The following CEACAM20 variants were observed in gnomAD, a reference collection of about 807,000 sequenced individuals.
CEACAM20 encodes CEA cell adhesion molecule 20, also known as cell adhesion molecule CEACAM20.
In CEACAM20, 50 loss-of-function variants were observed where a neutral mutation model predicts 61.2. The observed-to-expected ratio is 0.82, with a 90% CI of 0.65 to 1.03. CEACAM20 has a LOEUF of 1.03. Among genes scored for constraint, CEACAM20 ranks in the 50% least tolerant of loss-of-function variants. The pLI is 0.00. For synonymous variants in CEACAM20, 282 were observed against 287.7 expected, an observed-to-expected ratio of 0.98 and a Z score of 0.20; for missense variants, 683 against 736.4, an observed-to-expected ratio of 0.93 and a Z score of 0.84.
chr19:44,512,171 G>A, intron 8 of CEACAM20, 93 bp from the exon 9 acceptor site: 3 of 921,064 alleles, frequency 3.3e-6, no homozygotes, highest in African/African-American at 1.6e-5. Context: ...CAGGAAGGAA[G>A]TGCAGAAATC....
In CEACAM20 at chr19:44,524,113, C is replaced by G. The variant is rs1971453674; in HGVS notation, c.345G>C (p.Gln115His). 1 of 1,608,952 alleles carries G rather than the reference C, an allele frequency of 6.2e-7. No homozygotes were observed. The highest frequency in any genetic ancestry group is 1.3e-5 in the African/African-American group (1 of 74,864). The change falls in exon 3 of 12, where the codon CAG becomes CAC. Residue 115 changes from glutamine to histidine, a missense_variant. Physicochemically the swap from Gln to His is conservative, Grantham distance 24. Transcript: ENST00000614924. ...TGAGGATCTTGCCATCCTTGGACAG[C>G]TGCATGCGCTCATGGAACACAATGG... is the stretch of plus-strand genomic sequence containing the variant. ...NLSIVFHERMQLSKDGKILTI... is the reference protein window; with the variant it reads ...NLSIVFHERMHLSKDGKILTI...
At chr19:44,510,877 T>C in intron 11 of CEACAM20, 153 bp downstream of exon 11, 1 of 852,124 alleles carries the variant, frequency 1.2e-6, no homozygotes, top group East Asian at 2.8e-5. Context: ...AACTAGAAAA[T>C]GACATGATGG....
rs1971446905 is a variant in CEACAM20, at chr19:44,523,981, C to T, written c.472+5G>A. The T allele has an allele frequency of 6.5e-7, 1 of 1,548,464 alleles. No homozygotes were observed. Among genetic ancestry groups the T allele is most frequent in the South Asian group, 1.2e-5 (1 of 83,698 alleles). Reference sequence around the variant, plus strand: ...AGGGGTTGGAGAGAATGGAAAGGGACTCACACTTCACATCCAGGAAGATGG... The same window carrying T: ...AGGGGTTGGAGAGAATGGAAAGGGATTCACACTTCACATCCAGGAAGATGG... On this transcript the variant is annotated splice_donor_5th_base_variant and intron_variant, in intron 3 of 11. Coordinates refer to ENST00000614924, the MANE Select transcript of CEACAM20 (RefSeq NM_001102597.3).
rs908712411 is a variant in CEACAM20 at position 44,524,220 on chromosome 19, T to C, written c.238A>G (p.Ile80Val). 1 of 1,613,958 alleles carries C rather than the reference T, an allele frequency of 6.2e-7. No homozygotes were observed. Among genetic ancestry groups the C allele is most frequent in the Non-Finnish European group, 8.5e-7 (1 of 1,179,852 alleles). ...AAGGTCACCATGTCCTTCTGCTCTATGGCAGTGCCTGGGCTGACTGCAATG... is the reference window on the plus strand; with the variant it reads ...AAGGTCACCATGTCCTTCTGCTCTACGGCAGTGCCTGGGCTGACTGCAATG... ...PSIAVSPGTA[I>V]EQKDMVTFYC... The change falls in exon 3 of 12, where the codon ATA (isoleucine) becomes GTA (valine). Residue 80 changes from isoleucine to valine, a missense_variant. Coordinates refer to ENST00000614924, the MANE Select transcript of CEACAM20 (RefSeq NM_001102597.3).
At chr19:44,515,144 G>C (rs917613958) in intron 6 of CEACAM20, among the ~76,000 whole-genome samples, 4 of 151,998 alleles carry the variant, frequency 2.6e-5, no homozygotes, top group African/African-American at 9.7e-5. Flanking sequence ...GGCCTCTATA[G>C]ACTTTTGAAG....
At chr19:44,525,355 C>G (rs952223255) in intron 1 of CEACAM20, 111 bp from the exon 2 acceptor site, 18 of 973,572 alleles carry the variant, frequency 1.8e-5, no homozygotes, top group Non-Finnish European at 2.5e-5. Context: ...GGCATTCCAC[C>G]CACAGAGACC....
At chr19:44,510,547 G>GGAAGGAAA (rs1491495596) in intron 11 of CEACAM20, among the ~76,000 whole-genome samples, 9 of 52,796 alleles carry the variant, frequency 1.7e-4, no homozygotes, top group African/African-American at 2.1e-4. Flanking sequence ...AAGGAAGGAA[G>GGAAGGAAA]GAAAGAAAGA....
chr19:44,516,975 C>G lies in CEACAM20; in HGVS notation c.1280G>C (p.Arg427Pro). The G allele has an allele frequency of 6.3e-7, 1 of 1,598,780 alleles. No homozygotes were observed. The highest frequency in any genetic ancestry group is 8.5e-7 in the Non-Finnish European group (1 of 1,173,126). Reference protein sequence around the residue: ...TASNSLTGLARSTSVLVKVVG... With the variant: ...TASNSLTGLAPSTSVLVKVVG... ...CACCTTGACCAGGACTGAAGTGGAG[C>G]GGGCCAGGCCAGTGAGAGAGTTGGA... The change falls in exon 6 of 12, where the codon CGC becomes CCC. Residue 427 changes from arginine (R) to proline (P), a missense_variant. Coordinates refer to ENST00000614924, the MANE Select transcript of CEACAM20 (RefSeq NM_001102597.3).
chr19:44,520,831 T>G, intron 4 of CEACAM20, 79 bp from the exon 5 acceptor site: 1 of 1,420,096 alleles, frequency 7.0e-7, no homozygotes, highest in Non-Finnish European at 9.6e-7. Context: ...CACAAGTTTT[T>G]CCAGGAGTGC....
chr19:44,520,770 TAC>T lies in CEACAM20; in HGVS notation c.752-20_752-19del. The stretch of plus-strand genomic sequence containing the variant: ...CAGTGTTTCTGGAAACACGTGGAGA[TAC>T]ACAGTCAGGTTCAGGGAGATTTCCC... On this transcript the variant is annotated intron_variant, in intron 4 of 11. Coordinates refer to ENST00000614924, the MANE Select transcript of CEACAM20 (RefSeq NM_001102597.3). 6.2e-7 allele frequency: 1 copy of T among 1,606,658 alleles called. No homozygotes were observed. The highest frequency in any genetic ancestry group is 8.5e-7 in the Non-Finnish European group (1 of 1,176,444).
intron 1 of CEACAM20, among the ~76,000 whole-genome samples, chr19:44,527,031 C>A (rs1415751987): frequency 6.6e-6 from 1 of 152,162 alleles, no homozygotes; most frequent in Non-Finnish European, 1.5e-5. Flanking sequence ...CCAAACACTG[C>A]CCCATTCCCT....
In CEACAM20 at chr19:44,528,956, C is replaced by CTTTTTTTTTT. The variant is rs71171255; in HGVS notation, c.52+492_52+501dup. 6.5e-4 allele frequency among the ~76,000 whole-genome samples: 60 copies of CTTTTTTTTTT among 92,606 alleles called. 1 individual carries two copies. Among genetic ancestry groups the CTTTTTTTTTT allele is most frequent in the Non-Finnish European group, 7.3e-4 (37 of 50,620 alleles). 60.8% of individuals were successfully genotyped at this position (92,606 alleles called of 152,430 possible). Reference sequence around the variant, plus strand: ...TATTTCTGTATTTCTCTCTTTCTTTCTTTTTTTTTTTTTTTTTTTTGAGAC... The same window carrying CTTTTTTTTTT: ...TATTTCTGTATTTCTCTCTTTCTTTCTTTTTTTTTTTTTTTTTTTTTTTTTTTTTTGAGAC... On this transcript the variant is annotated intron_variant, in intron 1 of 11. Transcript: ENST00000614924.
intron 8 of CEACAM20, 123 bp from the exon 9 acceptor site, chr19:44,512,201 A>G (rs1971023588): frequency 4.1e-6 from 3 of 736,272 alleles, no homozygotes; most frequent in Non-Finnish European, 7.2e-6. Context: ...ACTCCCTGTC[A>G]TATTTCCAGT....
At chr19:44,513,006 A>C in intron 7 of CEACAM20, 53 bp from the exon 8 acceptor site, 2 of 1,476,344 alleles carry the variant, frequency 1.4e-6, no homozygotes, top group Non-Finnish European at 1.9e-6. Context: ...GCCCATCTCC[A>C]CAGGTTCTGC....
intron 1 of CEACAM20, among the ~76,000 whole-genome samples, chr19:44,526,454 A>G (rs760324078): frequency 5.9e-4 from 89 of 152,090 alleles, no homozygotes; most frequent in Non-Finnish European, 1.2e-3. Flanking sequence ...GCAGTGAGCT[A>G]TGATTGCACC....
chr19:44,515,254 G>GATGATGATA (rs1364178085), intron 6 of CEACAM20, among the ~76,000 whole-genome samples: 4 of 149,004 alleles, frequency 2.7e-5, no homozygotes, highest in African/African-American at 9.7e-5. Context: ...TGATGATGAT[G>GATGATGATA]ATAGAAGCTG....
chr19:44,516,191 C>T (rs1971148455), intron 6 of CEACAM20, among the ~76,000 whole-genome samples: 1 of 152,156 alleles, frequency 6.6e-6, no homozygotes, highest in Admixed American at 6.5e-5. Context: ...GACAGAGATA[C>T]AGGGACTCCC....
At chr19:44,516,118 A>G (rs1213992866) in intron 6 of CEACAM20, among the ~76,000 whole-genome samples, 1 of 152,172 alleles carries the variant, frequency 6.6e-6, no homozygotes, top group Non-Finnish European at 1.5e-5. Context: ...CACAGCTAAC[A>G]AGCATTGGAG....
chr19:44,521,814 G>A (rs1302139855), intron 4 of CEACAM20, among the ~76,000 whole-genome samples: 1 of 152,146 alleles, frequency 6.6e-6, no homozygotes, highest in Admixed American at 6.5e-5. Flanking sequence ...TTTACTGTGT[G>A]TATTGTACAT....
Sources: gnomAD v4.1 joint callset for allele counts (sites outside exome capture counted in the v4.1 genomes callset) on GRCh38, gnomAD v4.1.1 for gene constraint, MANE v1.5 for transcripts, NCBI Gene and HGNC (gene_info 2026-07-23, HGNC 2026-07-21) for gene names.